Variants in NDRG2 observed in about 807,000 individuals in gnomAD.
The protein encoded by NDRG2 is NDRG family member 2, also known as protein NDRG2.
Under a neutral mutation model 58.2 loss-of-function variants are expected in NDRG2, and 34 were observed. The observed-to-expected ratio is 0.58, with a 90% CI of 0.44 to 0.78. The LOEUF (loss-of-function observed/expected upper bound fraction) is 0.78. Among genes scored for constraint, NDRG2 ranks in the 30% least tolerant of loss-of-function variants. The probability of loss-of-function intolerance (pLI) is 0.00; values close to 1 mark genes in which losing one functional copy is unlikely to be tolerated. For missense variants in NDRG2, 434 were observed against 471.2 expected, an observed-to-expected ratio of 0.92 and a Z score of 0.73; for synonymous variants, 187 against 175.9, an observed-to-expected ratio of 1.06 and a Z score of -0.50.
chr14:21,070,760 A>G lies in NDRG2; in HGVS notation c.24+68T>C. ...CTGGTCCGAGCTCCTTACCCGCGGG[A>G]GACCCCTGCGGGTTGGTCCTGCAGC... On this transcript the variant is annotated intron_variant, in intron 1 of 14. Coordinates refer to the NDRG2 transcript ENST00000403829. This position sits in a 1 kb window ranked among gnomAD's most constrained non-coding sequence, Gnocchi z 4.7. The G allele has an allele frequency of 6.7e-7, 1 of 1,492,554 alleles. No individual in the cohort carries two copies. The highest frequency in any genetic ancestry group is 1.2e-5 in the South Asian group (1 of 83,070). 92.5% of individuals were successfully genotyped at this position (1,492,554 alleles called of 1,614,324 possible). A position where few individuals can be genotyped will look rare whatever the true frequency, so the allele number is the denominator to read the frequency against.
At chr14:21,053,280 TGA>T (rs963392071) in intron 1 of NDRG2, among the ~76,000 whole-genome samples, 3 of 152,022 alleles carry the variant, frequency 2.0e-5, no homozygotes, top group African/African-American at 7.2e-5. Context: ...TCCAGGAGTT[TGA>T]GACCAGTGCT....
At chr14:21,043,541 C>A in intron 1 of NDRG2, 3 of 968,418 alleles carry the variant, frequency 3.1e-6, no homozygotes, top group Non-Finnish European at 4.7e-6. Flanking sequence ...ACACCCAGAG[C>A]ATTCTCTTCC....
At chr14:21,020,299 A>G in intron 8 of NDRG2, 197 bp downstream of exon 8, 1 of 570,690 alleles carries the variant, frequency 1.8e-6, no homozygotes, top group Non-Finnish European at 3.1e-6. Context: ...ATCTCAAAAA[A>G]AAAAAAAAAA....
chr14:21,070,439 T>C lies in NDRG2; in HGVS notation c.24+389A>G. ...GCAGCCCCCTGGGTCCCCTCGGCCT[T>C]CGCGCAGCCCGCTCCGGGCCCCCAA... is the stretch of plus-strand genomic sequence containing the variant. On this transcript the variant is annotated intron_variant, in intron 1 of 14. Transcript: ENST00000403829. This position sits in a 1 kb window ranked among gnomAD's most constrained non-coding sequence, Gnocchi z 4.7. The C allele has an allele frequency of 1.5e-6, 2 of 1,376,132 alleles. No homozygotes were observed. The highest frequency in any genetic ancestry group is 1.9e-6 in the Non-Finnish European group (2 of 1,072,068). 85.2% of individuals were successfully genotyped at this position (1,376,132 alleles called of 1,614,324 possible).
At chr14:21,066,324 TG>T (rs1886261940) in intron 1 of NDRG2, among the ~76,000 whole-genome samples, 1 of 143,886 alleles carries the variant, frequency 6.9e-6, no homozygotes, top group Non-Finnish European at 1.5e-5. Context: ...GTGTTTTTTT[TG>T]TTTTTTTTTT....
intron 8 of NDRG2, chr14:21,020,287 C>T: frequency 7.7e-6 from 4 of 517,366 alleles, no homozygotes; most frequent in Non-Finnish European, 1.3e-5. Flanking sequence ...GAGTGAGACA[C>T]CATCTCAAAA....
At chr14:21,025,309 G>T (rs1883324754), upstream of NDRG2, 44 of 958,032 alleles carry the variant, frequency 4.6e-5, no homozygotes, top group Non-Finnish European at 5.5e-5. This position sits in a 1 kb window ranked among gnomAD's most constrained non-coding sequence, Gnocchi z 5.1. Flanking sequence ...CCCCCTCCCC[G>T]CATTGGGGCG....
rs751023525 is a variant in NDRG2 at position 21,021,784 on chromosome 14, A to G, written c.407+33T>C. On this transcript the variant is annotated intron_variant, in intron 6 of 15. Coordinates refer to ENST00000556147, the MANE Select transcript of NDRG2 (RefSeq NM_001320329.2). ...AGGGTCTCCTTGTGCTGGAAAGAGA[A>G]CTCTGGTTTGGAGGGGTTCCCAGGC... is the stretch of plus-strand genomic sequence containing the variant. 6 of 1,602,372 alleles carry G rather than the reference A, an allele frequency of 3.7e-6. No individual in the cohort carries two copies. In the African/African-American group the frequency reaches 5.4e-5, roughly 14 times the overall value.
rs1882348968 is a variant in NDRG2 at position 21,024,038 on chromosome 14, T to C, written c.-15A>G. On this transcript the variant is annotated 5_prime_UTR_variant, in exon 1 of 16. It adds an upstream start codon to the 5' untranslated region. Transcript: ENST00000556147. ...GGGGTGGGGTCACTTACTGGGCTCCTATTGGCTGGATGCAGTGGGATTAGG... is the reference window on the plus strand; with the variant it reads ...GGGGTGGGGTCACTTACTGGGCTCCCATTGGCTGGATGCAGTGGGATTAGG... The C allele has an allele frequency of 1.0e-6, 1 of 985,678 alleles. No homozygotes were observed. The highest frequency in any genetic ancestry group is 1.7e-5 in the African/African-American group (1 of 57,350). 61.1% of individuals were successfully genotyped at this position (985,678 alleles called of 1,614,324 possible).
chr14:21,029,594 A>T (rs1001553627), upstream of NDRG2, among the ~76,000 whole-genome samples: 1 of 152,212 alleles, frequency 6.6e-6, no homozygotes, highest in African/African-American at 2.4e-5. Context: ...GCGAGACTCC[A>T]TCTCAAAATA....
At chr14:21,031,752 G>A in intron 1 of NDRG2, 2 of 883,684 alleles carry the variant, frequency 2.3e-6, no homozygotes, top group Non-Finnish European at 3.4e-6. Flanking sequence ...CTGTATCTGG[G>A]CCCTAAGAAA....
At chr14:21,031,240 G>A in intron 1 of NDRG2, 2 of 1,544,246 alleles carry the variant, frequency 1.3e-6, no homozygotes, top group African/African-American at 2.7e-5. Flanking sequence ...CCCTAACCCT[G>A]CCAACTGTGT....
At chr14:21,029,860 C>G (rs989540473), upstream of NDRG2, among the ~76,000 whole-genome samples, 5 of 152,172 alleles carry the variant, frequency 3.3e-5, no homozygotes, top group Non-Finnish European at 7.3e-5. Flanking sequence ...GACTTCTCAG[C>G]CTTCAGAGCT....
Position 21,063,213 on chromosome 14 carries a change from T to C in NDRG2, c.24+7615A>G, listed in dbSNP as rs543008573. Among the ~76,000 whole-genome samples the C allele has an allele frequency of 1.6e-4, 24 of 151,682 alleles. No homozygotes were observed. In the South Asian group the frequency reaches 5.0e-3, roughly 32 times the overall value. ...AATTAGAGTGCCTGCCTAAAAGTGG[T>C]GTGTATGTGTGTGTGTGTATGTGTG... On this transcript the variant is annotated intron_variant, in intron 1 of 14. Transcript: ENST00000403829.
chr14:21,033,032 G>C (rs780234559), intron 1 of NDRG2: 1 of 453,528 alleles, frequency 2.2e-6, no homozygotes, highest in Non-Finnish European at 4.4e-6. Flanking sequence ...TGGGGGATTT[G>C]GGAGGAGCTT....
At chr14:21,050,247 GA>G (rs576979763) in intron 1 of NDRG2, among the ~76,000 whole-genome samples, 1 of 152,036 alleles carries the variant, frequency 6.6e-6, no homozygotes, top group Admixed American at 6.5e-5. Context: ...ATTGAGATGG[GA>G]AAAAAACAGT....
At chr14:21,038,687 C>T (rs780171740) in intron 1 of NDRG2, among the ~76,000 whole-genome samples, 17 of 152,172 alleles carry the variant, frequency 1.1e-4, no homozygotes, top group Non-Finnish European at 1.9e-4. Context: ...TTGTGACAGA[C>T]CCTGATTACC....
In NDRG2 at chr14:21,065,040, G is replaced by A. The variant is rs192397010; in HGVS notation, c.24+5788C>T. ...ACAAAAATTAGCCAGGCCTGGTGGC[G>A]GGTGCCTGTAATCCCAGCTACTTGG... On this transcript the variant is annotated intron_variant, in intron 1 of 14. Coordinates refer to the NDRG2 transcript ENST00000403829. Among the ~76,000 whole-genome samples the A allele has an allele frequency of 4.6e-5, 7 of 152,070 alleles. No individual in the cohort carries two copies. The East Asian group carries it at 5.8e-4, about 13-fold the overall frequency.
chr14:21,037,768 T>G lies in NDRG2; in HGVS notation c.25-14447A>C, dbSNP rs1242671979. Among the ~76,000 whole-genome samples the G allele has an allele frequency of 3.3e-5, 5 of 152,260 alleles. No homozygotes were observed. In the East Asian group the frequency reaches 9.6e-4, roughly 29 times the overall value. The stretch of plus-strand genomic sequence containing the variant: ...GTTAAACAAATGTTGATTGTAATGG[T>G]GCTGATTCTACCAGAAAAATGTGTA... On this transcript the variant is annotated intron_variant, in intron 1 of 14. Transcript: ENST00000403829.
Sources: gnomAD v4.1 joint callset for allele counts (sites outside exome capture counted in the v4.1 genomes callset) on GRCh38, gnomAD v4.1.1 for gene constraint, Gnocchi (gnomAD v3.1) non-coding constraint, MANE v1.5 for transcripts, NCBI Gene and HGNC (gene_info 2026-07-23, HGNC 2026-07-21) for gene names.